The following SNTG1 variants were observed in gnomAD, a reference collection of about 807,000 sequenced individuals.
SNTG1 encodes the protein gamma-1-syntrophin.
In SNTG1, 39 loss-of-function variants were observed where a neutral mutation model predicts 74.7. The ratio of observed to expected loss-of-function variants is 0.52; its 90% CI spans 0.40 to 0.68. The LOEUF (loss-of-function observed/expected upper bound fraction) is 0.68, where lower values mean the gene tolerates loss of function less well. Ranked by LOEUF, SNTG1 falls within the 30% of genes least tolerant of loss-of-function variation. The pLI, the probability that SNTG1 is intolerant of heterozygous loss-of-function variation, is 0.00. For synonymous variants in SNTG1, 254 were observed against 217.1 expected, an observed-to-expected ratio of 1.17 and a Z score of -1.49; for missense variants, 685 against 609.5, an observed-to-expected ratio of 1.12 and a Z score of -1.30.
rs2081917845 is a variant in SNTG1, at chr8:50,147,629, G to T, written c.-102-24932G>T. On this transcript the variant is annotated intron_variant, in intron 1 of 18. Transcript: ENST00000642720. Reference sequence around the variant, plus strand: ...TGATTCAGCATTTTTTCTGTCAGAGGAATAAGCCAGGAGGGATGGTGGGGA... The same window carrying T: ...TGATTCAGCATTTTTTCTGTCAGAGTAATAAGCCAGGAGGGATGGTGGGGA... Among the ~76,000 whole-genome samples, 5 of 152,138 alleles carry T rather than the reference G, an allele frequency of 3.3e-5. No homozygotes were observed. The South Asian group carries it at 8.3e-4, about 25-fold the overall frequency.
chr8:50,230,846 T>TC lies in SNTG1; in HGVS notation c.-28+58211_-28+58212insC, dbSNP rs1383269627. On this transcript the variant is annotated intron_variant, in intron 2 of 18. Transcript: ENST00000642720. ...CTAACATTGGTTTGGGTAACTTTTT[T>TC]TTTTTTAATTTGACTCAAAAACCAC... Among the ~76,000 whole-genome samples, 4 of 150,346 alleles carry TC rather than the reference T, an allele frequency of 2.7e-5. No homozygotes were observed. The East Asian group carries it at 7.8e-4, about 29-fold the overall frequency.
At chr8:50,189,619 G>A (rs776353289) in intron 2 of SNTG1, among the ~76,000 whole-genome samples, 11 of 152,078 alleles carry the variant, frequency 7.2e-5, no homozygotes, top group Non-Finnish European at 1.6e-4. Flanking sequence ...TGTGTAAAAG[G>A]AAAGTTAACA....
intron 15 of SNTG1, among the ~76,000 whole-genome samples, chr8:50,677,696 A>C (rs1399311166): frequency 6.6e-6 from 1 of 152,020 alleles, no homozygotes; most frequent in Non-Finnish European, 1.5e-5. Flanking sequence ...ATATAATTTT[A>C]ATGTCAGAAG....
intron 2 of SNTG1, among the ~76,000 whole-genome samples, chr8:50,256,135 C>A (rs950120661): frequency 6.6e-6 from 1 of 152,022 alleles, no homozygotes; most frequent in African/African-American, 2.4e-5. Context: ...ACCGACATAG[C>A]AGTTAAGTAT....
Position 50,640,921 on chromosome 8 carries a change from C to G in SNTG1, c.850-15988C>G, listed in dbSNP as rs150962125. ...AATATCCCAACTTCAATTTCCTAAT[C>G]CATCATCTTTCATTTTAGCGCATTC... On this transcript the variant is annotated intron_variant, in intron 13 of 18. Transcript: ENST00000642720. Among the ~76,000 whole-genome samples the G allele has an allele frequency of 5.3e-5, 8 of 152,234 alleles. No individual in the cohort carries two copies. In the East Asian group the frequency reaches 1.2e-3, roughly 22 times the overall value.
intron 2 of SNTG1, among the ~76,000 whole-genome samples, chr8:50,204,065 A>G (rs2084099923): frequency 6.6e-6 from 1 of 152,156 alleles, no homozygotes; most frequent in Non-Finnish European, 1.5e-5. Context: ...GTATACAGAC[A>G]TAGAATTTAG....
chr8:50,162,710 G>A (rs902626018), intron 1 of SNTG1, among the ~76,000 whole-genome samples: 1 of 152,034 alleles, frequency 6.6e-6, no homozygotes, highest in Admixed American at 6.5e-5. Flanking sequence ...GGGTATTTAC[G>A]TCACATGTGT....
At chr8:50,158,115 A>G (rs1196000534) in intron 1 of SNTG1, among the ~76,000 whole-genome samples, 1 of 152,136 alleles carries the variant, frequency 6.6e-6, no homozygotes, top group Non-Finnish European at 1.5e-5. Context: ...TTAGACATCA[A>G]GATAGGCACT....
In SNTG1 at chr8:50,724,361, T is replaced by C. The variant is rs1358033966; in HGVS notation, c.1284+15383T>C. 2.6e-5 allele frequency among the ~76,000 whole-genome samples: 4 copies of C among 152,190 alleles called. No individual in the cohort carries two copies. In the East Asian group the frequency reaches 5.8e-4, roughly 22 times the overall value. On this transcript the variant is annotated intron_variant, in intron 17 of 18. Coordinates refer to ENST00000642720, the MANE Select transcript of SNTG1 (RefSeq NM_018967.5). ...CTCTTATCTGAGTTCCGTATAGTTTTAGTTGAATATGTGGTCTCCTCGGGC... is the reference window on the plus strand; with the variant it reads ...CTCTTATCTGAGTTCCGTATAGTTTCAGTTGAATATGTGGTCTCCTCGGGC...
intron 1 of SNTG1, among the ~76,000 whole-genome samples, chr8:50,167,773 A>T: frequency 6.6e-6 from 1 of 150,988 alleles, no homozygotes; most frequent in Non-Finnish European, 1.5e-5. Context: ...TGATCACACC[A>T]GTGGACCCCA....
At chr8:50,281,348 T>C (rs1277376445) in intron 2 of SNTG1, among the ~76,000 whole-genome samples, 1 of 152,206 alleles carries the variant, frequency 6.6e-6, no homozygotes, top group Non-Finnish European at 1.5e-5. Flanking sequence ...CAGGTTTCTT[T>C]GGAATCCCCT....
rs373995903 is a variant in SNTG1, at chr8:50,670,621, G to A, written c.1038+11958G>A. 9.8e-5 allele frequency among the ~76,000 whole-genome samples: 14 copies of A among 142,242 alleles called. No homozygotes were observed. The South Asian group carries it at 1.5e-3, about 15-fold the overall frequency. The allele number at this position is 142,242 out of a possible 152,430, so 93.3% of individuals were successfully genotyped here. A position where few individuals can be genotyped will look rare whatever the true frequency, so the allele number is the denominator to read the frequency against. ...TCATGAAAATGGCCATACTGCCCAAGGTAATTTATAGATTCAATGCCATCC... is the reference window on the plus strand; with the variant it reads ...TCATGAAAATGGCCATACTGCCCAAAGTAATTTATAGATTCAATGCCATCC... On this transcript the variant is annotated intron_variant, in intron 15 of 18. Transcript: ENST00000642720.
chr8:50,006,870 C>A (rs1344584519), intron 1 of SNTG1, among the ~76,000 whole-genome samples: 1 of 152,168 alleles, frequency 6.6e-6, no homozygotes, highest in African/African-American at 2.4e-5. Context: ...TGAGGAGAAC[C>A]TCTCAGGCTG....
chr8:50,598,143 C>A (rs372078757), intron 13 of SNTG1, among the ~76,000 whole-genome samples: 22 of 151,768 alleles, frequency 1.4e-4, no homozygotes, highest in Admixed American at 6.6e-5. Context: ...AACTCCTTGC[C>A]CAGCCCAATT....
chr8:50,379,531 C>T (rs2092447167), intron 2 of SNTG1, among the ~76,000 whole-genome samples: 1 of 152,150 alleles, frequency 6.6e-6, no homozygotes, highest in Non-Finnish European at 1.5e-5. Context: ...CCCACCCCAA[C>T]TTTGAAGGGG....
intron 2 of SNTG1, among the ~76,000 whole-genome samples, chr8:50,245,182 G>T (rs920270234): frequency 1.3e-5 from 2 of 152,092 alleles, no homozygotes; most frequent in Non-Finnish European, 2.9e-5. Flanking sequence ...GAAGTTAACA[G>T]ACTAAATGAA....
At chr8:50,491,727 T>C (rs2093856156) in intron 8 of SNTG1, among the ~76,000 whole-genome samples, 2 of 87,666 alleles carry the variant, frequency 2.3e-5, no homozygotes, top group African/African-American at 5.8e-5. Flanking sequence ...ATTTATTTAT[T>C]TATTTATTTT....
intron 1 of SNTG1, among the ~76,000 whole-genome samples, chr8:50,132,263 A>G (rs1488618534): frequency 5.9e-5 from 9 of 152,162 alleles, no homozygotes; most frequent in Non-Finnish European, 1.3e-4. Context: ...CCATATCCCA[A>G]CATCCCTCAA....
chr8:50,110,055 T>C (rs149993), intron 1 of SNTG1, among the ~76,000 whole-genome samples: 131,769 of 152,156 alleles, frequency 0.87, 57,208 homozygotes, highest in East Asian at 0.97. Flanking sequence ...ATGAATTCTA[T>C]CTAATGGCTG....
Sources: gnomAD v4.1 joint callset for allele counts (sites outside exome capture counted in the v4.1 genomes callset) on GRCh38, gnomAD v4.1.1 for gene constraint, MANE v1.5 for transcripts, NCBI Gene and HGNC (gene_info 2026-07-23, HGNC 2026-07-21) for gene names.